Variants in CCDC148 observed in about 807,000 individuals in gnomAD.
The protein encoded by CCDC148 is coiled-coil domain-containing protein 148.
In CCDC148, 89 loss-of-function variants were observed where a neutral mutation model predicts 85.7. The ratio of observed to expected loss-of-function variants is 1.04; its 90% CI spans 0.87 to 1.24. The LOEUF (loss-of-function observed/expected upper bound fraction) is 1.24. Ranked by LOEUF, CCDC148 falls within the 50% of genes most tolerant of loss-of-function variation. The pLI is 0.00. For missense variants in CCDC148, 692 were observed against 671.7 expected, an observed-to-expected ratio of 1.03 and a Z score of -0.33; for synonymous variants, 230 against 213.9, an observed-to-expected ratio of 1.08 and a Z score of -0.66.
Position 158,347,398 on chromosome 2 carries a change from A to AT in CCDC148, c.148-2081dup, listed in dbSNP as rs1245361317. On this transcript the variant is annotated intron_variant, in intron 2 of 13. Transcript: ENST00000283233. Reference sequence around the variant, plus strand: ...TTCCAATATTTTGCAGAACATACTGATTTTTTTATAAATTCACTCATTGAT... The same window carrying AT: ...TTCCAATATTTTGCAGAACATACTGATTTTTTTTATAAATTCACTCATTGAT... Among the ~76,000 whole-genome samples the AT allele has an allele frequency of 3.3e-5, 5 of 152,152 alleles. No homozygotes were observed. The South Asian group carries it at 6.2e-4, about 19-fold the overall frequency.
At chr2:158,184,861 T>C (rs1024282831) in intron 11 of CCDC148, among the ~76,000 whole-genome samples, 17 of 152,154 alleles carry the variant, frequency 1.1e-4, no homozygotes, top group African/African-American at 4.1e-4. Context: ...AGTTTCTGAT[T>C]CAGTAGTTGT....
At chr2:158,294,670 A>G (rs1199785286) in intron 9 of CCDC148, among the ~76,000 whole-genome samples, 1 of 152,036 alleles carries the variant, frequency 6.6e-6, no homozygotes, top group Non-Finnish European at 1.5e-5. Context: ...CTGAAAACAC[A>G]CAAATTAGCC....
intron 9 of CCDC148, among the ~76,000 whole-genome samples, chr2:158,293,708 T>C (rs1337087183): frequency 6.6e-6 from 1 of 151,846 alleles, no homozygotes; most frequent in African/African-American, 2.4e-5. Context: ...AGAGGTTGAG[T>C]CTTAGAAAGG....
rs138656268 is a variant in CCDC148 at position 158,189,219 on chromosome 2, A to G, written c.1371-10223T>C. Among the ~76,000 whole-genome samples, 977 of 151,976 alleles carry G rather than the reference A, an allele frequency of 6.4e-3. 14 individuals carry two copies. The highest frequency in any genetic ancestry group is 0.012 in the Non-Finnish European group (797 of 67,868). ...GAGAGGAATCTGAAGATACCATTTG[A>G]GTCACTGAGGCAAGACTCATGCCCT... On this transcript the variant is annotated intron_variant, in intron 11 of 13. Transcript: ENST00000283233.
At chr2:158,421,300 A>C (rs1247348007) in intron 1 of CCDC148, among the ~76,000 whole-genome samples, 2 of 152,234 alleles carry the variant, frequency 1.3e-5, no homozygotes, top group Non-Finnish European at 2.9e-5. Context: ...TCTCAGCACC[A>C]CATCACACTT....
intron 7 of CCDC148, among the ~76,000 whole-genome samples, chr2:158,328,337 A>G (rs938906828): frequency 2.6e-5 from 4 of 152,152 alleles, no homozygotes; most frequent in Non-Finnish European, 5.9e-5. Context: ...TACAAAGGAC[A>G]TGAACTCATC....
intron 9 of CCDC148, among the ~76,000 whole-genome samples, chr2:158,278,199 G>A (rs571472560): frequency 7.2e-5 from 11 of 152,230 alleles, no homozygotes; most frequent in African/African-American, 1.9e-4. Flanking sequence ...TGTGAGTGAC[G>A]CAGAAGACGG....
chr2:158,369,672 T>G (rs1684353439), intron 1 of CCDC148, among the ~76,000 whole-genome samples: 1 of 152,188 alleles, frequency 6.6e-6, no homozygotes, highest in Non-Finnish European at 1.5e-5. Context: ...ATATTTCTCA[T>G]GCCTGACTGC....
chr2:158,421,503 A>G (rs1482066357), intron 1 of CCDC148, among the ~76,000 whole-genome samples: 1 of 152,242 alleles, frequency 6.6e-6, no homozygotes, highest in Non-Finnish European at 1.5e-5. Flanking sequence ...GTACATAAAG[A>G]AATGAAGGCA....
At position 158,366,002 on chromosome 2, in the gene CCDC148, T is replaced by G. The variant is rs1169925781; in HGVS notation, c.26-7432A>C. On this transcript the variant is annotated intron_variant, in intron 1 of 13. Coordinates refer to ENST00000283233, the MANE Select transcript of CCDC148 (RefSeq NM_138803.4). ...GTAAATAATAAAACAGAGTTGGAAGTAAGAAAAATACCTGAGCTATCATTT... is the reference window on the plus strand; with the variant it reads ...GTAAATAATAAAACAGAGTTGGAAGGAAGAAAAATACCTGAGCTATCATTT... 2.6e-6 allele frequency: 4 copies of G among 1,511,970 alleles called. No individual in the cohort carries two copies. The South Asian group carries it at 5.0e-5, about 19-fold the overall frequency. 93.7% of individuals were successfully genotyped at this position (1,511,970 alleles called of 1,614,324 possible). A position where few individuals can be genotyped will look rare whatever the true frequency, so the allele number is the denominator to read the frequency against.
intron 9 of CCDC148, among the ~76,000 whole-genome samples, chr2:158,304,222 G>A (rs2105202769): frequency 6.6e-6 from 1 of 152,154 alleles, no homozygotes; most frequent in East Asian, 1.9e-4. Context: ...TAAACCTTCA[G>A]GGCCCAGAGG....
intron 11 of CCDC148, among the ~76,000 whole-genome samples, chr2:158,199,779 G>T (rs766495305): frequency 6.6e-6 from 1 of 152,110 alleles, no homozygotes; most frequent in South Asian, 2.1e-4. Flanking sequence ...TATTGGGAAC[G>T]AGCAAATGTT....
chr2:158,428,814 C>T (rs191245952), intron 1 of CCDC148, among the ~76,000 whole-genome samples: 1,614 of 152,126 alleles, frequency 0.011, 10 homozygotes, highest in Non-Finnish European at 0.018. Flanking sequence ...ATAAATCATT[C>T]TACTATAAAG....
chr2:158,330,944 T>C (rs1693073837), intron 7 of CCDC148, among the ~76,000 whole-genome samples: 1 of 152,186 alleles, frequency 6.6e-6, no homozygotes, highest in African/African-American at 2.4e-5. Context: ...ATTTTGTTGA[T>C]CTTTTCAAAA....
At chr2:158,288,877 A>T in intron 9 of CCDC148, 1 of 298,410 alleles carries the variant, frequency 3.4e-6, no homozygotes, top group African/African-American at 2.2e-5. Flanking sequence ...ACAGTTCCAC[A>T]TGGCAGGGGA....
At chr2:158,439,990 C>G (rs1183654702) in intron 1 of CCDC148, among the ~76,000 whole-genome samples, 1 of 152,026 alleles carries the variant, frequency 6.6e-6, no homozygotes, top group African/African-American at 2.4e-5. Context: ...TCCTGAGTAG[C>G]TAGGACTACA....
At chr2:158,294,901 A>G (rs1308970103) in intron 9 of CCDC148, among the ~76,000 whole-genome samples, 1 of 151,294 alleles carries the variant, frequency 6.6e-6, no homozygotes, top group Non-Finnish European at 1.5e-5. Context: ...CTAGCACTGT[A>G]TGAGAATTCC....
At chr2:158,435,957 G>A (rs1038315753) in intron 1 of CCDC148, among the ~76,000 whole-genome samples, 8 of 152,100 alleles carry the variant, frequency 5.3e-5, no homozygotes, top group African/African-American at 9.7e-5. Context: ...CCCAATACAG[G>A]AGCACCCAGA....
At chr2:158,361,586 T>G (rs2105270255) in intron 1 of CCDC148, among the ~76,000 whole-genome samples, 1 of 152,062 alleles carries the variant, frequency 6.6e-6, no homozygotes, top group East Asian at 1.9e-4. Flanking sequence ...GCTTCATAAG[T>G]GAAGGAGAAA....
Sources: gnomAD v4.1 joint callset for allele counts (sites outside exome capture counted in the v4.1 genomes callset) on GRCh38, gnomAD v4.1.1 for gene constraint, MANE v1.5 for transcripts, NCBI Gene and HGNC (gene_info 2026-07-23, HGNC 2026-07-21) for gene names.